The following DNAH8 variants were observed in gnomAD, a reference collection of about 807,000 sequenced individuals.
DNAH8 encodes dynein axonemal heavy chain 8, also known as axonemal beta dynein heavy chain 8.
Under a neutral mutation model 562.1 loss-of-function variants are expected in DNAH8, and 382 were observed. That is an observed-to-expected ratio of 0.68 (90% CI 0.63 to 0.74). The LOEUF is 0.74. Ranked by LOEUF, DNAH8 falls within the 30% of genes least tolerant of loss-of-function variation. The pLI is 0.00. For synonymous variants in DNAH8, 1,881 were observed against 1,919.4 expected, an observed-to-expected ratio of 0.98 and a Z score of 0.52; for missense variants, 5,203 against 5,620.4, an observed-to-expected ratio of 0.93 and a Z score of 2.37.
At chr6:38,737,038 A>C (rs1283546207) in intron 5 of DNAH8, 29 bp from the exon 6 acceptor site, 22 of 1,474,930 alleles carry the variant, frequency 1.5e-5, no homozygotes, top group Non-Finnish European at 1.8e-5. Context: ...ATTAGCATGT[A>C]AAATAACATT....
rs1776302133 is a variant in DNAH8, at chr6:38,857,589, C to T, written c.5805C>T (p.Asp1935=). ...SEEALRNAKD[D]RKIMQVTNQK... Reference sequence around the variant, plus strand: ...AGGCTTTACGTAATGCAAAAGATGACAGGAAAATCATGCAAGTGACCAATC... The same window carrying T: ...AGGCTTTACGTAATGCAAAAGATGATAGGAAAATCATGCAAGTGACCAATC... Residue 1935 remains aspartate (D), a synonymous_variant, in exon 42 of 93, where the codon GAC becomes GAT. Transcript: ENST00000327475. 1 of 1,613,830 alleles carries T rather than the reference C, an allele frequency of 6.2e-7. No homozygotes were observed. Among genetic ancestry groups the T allele is most frequent in the Non-Finnish European group, 8.5e-7 (1 of 1,179,854 alleles).
intron 3 of DNAH8, among the ~76,000 whole-genome samples, chr6:38,729,359 A>G (rs2127573029): frequency 6.6e-6 from 1 of 152,292 alleles, no homozygotes; most frequent in South Asian, 2.1e-4. Flanking sequence ...TTATCTATTT[A>G]GTTTTCTATT....
chr6:38,905,379 C>A (rs544245442), intron 62 of DNAH8, among the ~76,000 whole-genome samples: 5 of 152,196 alleles, frequency 3.3e-5, no homozygotes, highest in African/African-American at 1.2e-4. Flanking sequence ...AGACCAAGAT[C>A]TTTTCATTCC....
At chr6:38,929,280 C>A in intron 74 of DNAH8, 1 of 345,578 alleles carries the variant, frequency 2.9e-6, no homozygotes, top group Non-Finnish European at 5.2e-6. Context: ...CCCCTTAACC[C>A]TCCTCTTTTG....
intron 11 of DNAH8, among the ~76,000 whole-genome samples, chr6:38,767,084 C>T (rs1378900199): frequency 6.6e-6 from 1 of 152,190 alleles, no homozygotes; most frequent in Non-Finnish European, 1.5e-5. Context: ...ACCATCACTG[C>T]TATCCATTTC....
rs138885783 is a variant in DNAH8 at position 38,894,744 on chromosome 6, A to G, written c.8627A>G (p.Asn2876Ser). The change falls in exon 59 of 93, where the codon AAT (asparagine) becomes AGT (serine). Residue 2876 changes from asparagine to serine, a missense_variant. Coordinates refer to ENST00000327475, the MANE Select transcript of DNAH8 (RefSeq NM_001206927.2). Reference protein sequence around the residue: ...PTPSKFHYIFNLRDLSRIWQG... With the variant: ...PTPSKFHYIFSLRDLSRIWQG... ...CCTTCTAAATTTCATTACATCTTCA[A>G]TCTTCGAGATCTTTCCAGAATTTGG... The G allele has an allele frequency of 1.1e-5, 18 of 1,613,916 alleles. No homozygotes were observed. The highest frequency in any genetic ancestry group is 1.5e-5 in the Non-Finnish European group (18 of 1,179,968).
At chr6:38,759,927 A>G (rs892498059) in intron 10 of DNAH8, among the ~76,000 whole-genome samples, 6 of 152,170 alleles carry the variant, frequency 3.9e-5, no homozygotes, top group African/African-American at 1.4e-4. Flanking sequence ...CTTTCCTGCT[A>G]CAAGATCCCA....
chr6:38,924,509 C>T lies in DNAH8; in HGVS notation c.10962+347C>T, dbSNP rs61107059. Among the ~76,000 whole-genome samples the T allele has an allele frequency of 7.9e-5, 12 of 151,376 alleles. No homozygotes were observed. In the South Asian group the frequency reaches 1.9e-3, roughly 24 times the overall value. ...ACAAGAGAGAAACTCCATCCCCCCC[C>T]CAAAAAAAAGAAACCCAGGTTCATT... On this transcript the variant is annotated intron_variant, in intron 73 of 92. Transcript: ENST00000327475.
Position 38,839,708 on chromosome 6 carries a change from G to A in DNAH8, c.4466+1666G>A, listed in dbSNP as rs929122066. On this transcript the variant is annotated intron_variant, in intron 33 of 92. Coordinates refer to ENST00000327475, the MANE Select transcript of DNAH8 (RefSeq NM_001206927.2). Reference sequence around the variant, plus strand: ...ACGGAGTTTCACTCTTGTTGCCCAGGCTGGAGTGCAATGACATGATCTCGG... The same window carrying A: ...ACGGAGTTTCACTCTTGTTGCCCAGACTGGAGTGCAATGACATGATCTCGG... 4.6e-5 allele frequency among the ~76,000 whole-genome samples: 7 copies of A among 151,912 alleles called. No homozygotes were observed. In the East Asian group the frequency reaches 9.7e-4, roughly 21 times the overall value.
intron 27 of DNAH8, 39 bp downstream of exon 27, chr6:38,823,073 T>C (rs917764786): frequency 1.3e-6 from 2 of 1,511,602 alleles, no homozygotes; most frequent in East Asian, 2.3e-5. Flanking sequence ...TGGGTTTTGT[T>C]TGTCTCTAAT....
chr6:38,970,954 G>A (rs565901366), intron 82 of DNAH8, among the ~76,000 whole-genome samples: 2 of 152,132 alleles, frequency 1.3e-5, no homozygotes, highest in Non-Finnish European at 2.9e-5. Flanking sequence ...ATTTCTCATC[G>A]TGGAGTGTTT....
intron 88 of DNAH8, among the ~76,000 whole-genome samples, chr6:38,998,209 C>T (rs1483152087): frequency 1.3e-5 from 2 of 152,156 alleles, no homozygotes; most frequent in Non-Finnish European, 2.9e-5. Flanking sequence ...TCAGTCCTTG[C>T]ATAAGAATGC....
At chr6:38,919,779 G>A (rs970007826) in intron 70 of DNAH8, among the ~76,000 whole-genome samples, 1 of 152,100 alleles carries the variant, frequency 6.6e-6, no homozygotes, top group African/African-American at 2.4e-5. Flanking sequence ...AAATAAGCGA[G>A]TTACCAAAGC....
At chr6:38,994,068 C>T (rs980431081) in intron 88 of DNAH8, among the ~76,000 whole-genome samples, 1 of 55,878 alleles carries the variant, frequency 1.8e-5, no homozygotes, top group African/African-American at 5.4e-5. Context: ...ATCAACAGAG[C>T]GCTGGTGAGG....
In DNAH8 at chr6:38,971,539, A is replaced by C. The variant is rs1243927683; in HGVS notation, c.12452-53A>C. 3.6e-6 allele frequency: 4 copies of C among 1,125,398 alleles called. No homozygotes were observed. In the African/African-American group the frequency reaches 6.3e-5, roughly 18 times the overall value. 69.7% of individuals were successfully genotyped at this position (1,125,398 alleles called of 1,614,324 possible). On this transcript the variant is annotated intron_variant, in intron 82 of 92. Transcript: ENST00000327475. ...ATTCAGAAATTAATTTTTCATTCTA[A>C]TCCTGCTGTAAGAGTTGTGTTTCAT...
intron 62 of DNAH8, among the ~76,000 whole-genome samples, chr6:38,901,797 A>G (rs1366133506): frequency 6.6e-6 from 1 of 152,264 alleles, no homozygotes; most frequent in Non-Finnish European, 1.5e-5. Flanking sequence ...TTAAAAACAT[A>G]AAATATCAAA....
Position 38,973,641 on chromosome 6 carries a change from G to T in DNAH8, c.12526-20G>T, listed in dbSNP as rs1408696427. On this transcript the variant is annotated intron_variant, in intron 83 of 92. Transcript: ENST00000327475. ...CAAAAAGGTTACAAGAAATAAATAT[G>T]AACTTATTTTTGGATACAGGGTGGT... is the stretch of plus-strand genomic sequence containing the variant. The T allele has an allele frequency of 3.2e-6, 5 of 1,543,270 alleles. No homozygotes were observed. The highest frequency in any genetic ancestry group is 4.3e-6 in the Non-Finnish European group (5 of 1,149,582).
chr6:38,949,927 T>A (rs79556710), intron 81 of DNAH8, among the ~76,000 whole-genome samples: 2,090 of 152,298 alleles, frequency 0.014, 51 homozygotes, highest in African/African-American at 0.048. Context: ...TTGTTGAATT[T>A]ATTTCTTTAA....
At chr6:38,858,171 T>G (rs1776350784) in intron 42 of DNAH8, among the ~76,000 whole-genome samples, 1 of 152,180 alleles carries the variant, frequency 6.6e-6, no homozygotes, top group African/African-American at 2.4e-5. Context: ...GGATAAGTGT[T>G]TGAATTCCTT....
Sources: gnomAD v4.1 joint callset for allele counts (sites outside exome capture counted in the v4.1 genomes callset) on GRCh38, gnomAD v4.1.1 for gene constraint, MANE v1.5 for transcripts, NCBI Gene and HGNC (gene_info 2026-07-23, HGNC 2026-07-21) for gene names.